PDE4D: variants seen among roughly 807,000 people sequenced by gnomAD.
PDE4D encodes the protein phosphodiesterase 4D.
PDE4D carries 24 observed loss-of-function variants against 87.4 expected under a neutral mutation model. The ratio of observed to expected loss-of-function variants is 0.27; its 90% CI spans 0.20 to 0.39. The LOEUF is 0.39. Ranked by LOEUF, PDE4D falls within the 10% of genes least tolerant of loss-of-function variation. PDE4D has a pLI of 1.00. For missense variants in PDE4D, 714 were observed against 1,041.0 expected, an observed-to-expected ratio of 0.69 and a Z score of 4.32; for synonymous variants, 384 against 383.2, an observed-to-expected ratio of 1.00 and a Z score of -0.02.
At chr5:58,989,179 GGAAA>G (rs10600245) in intron 10 of PDE4D, among the ~76,000 whole-genome samples, 123,513 of 151,524 alleles carry the variant, frequency 0.82, 50,500 homozygotes, top group Admixed American at 0.88. Context: ...GTGGCAGGAG[GGAAA>G]GAAAGGGGAA....
intron 1 of PDE4D, among the ~76,000 whole-genome samples, chr5:60,416,644 C>T (rs1742604082): frequency 6.6e-6 from 1 of 152,190 alleles, no homozygotes; most frequent in South Asian, 2.1e-4. Flanking sequence ...GGACACACTG[C>T]CTTTAAGAAC....
intron 3 of PDE4D, among the ~76,000 whole-genome samples, chr5:59,932,533 A>G (rs1252033584): frequency 6.6e-6 from 1 of 152,228 alleles, no homozygotes; most frequent in Non-Finnish European, 1.5e-5. Flanking sequence ...GAGTGGGGTT[A>G]AGTAACCTGC....
intron 5 of PDE4D, among the ~76,000 whole-genome samples, chr5:59,066,096 C>A (rs1763883683): frequency 6.6e-6 from 1 of 152,108 alleles, no homozygotes; most frequent in South Asian, 2.1e-4. Context: ...CCTATCAATT[C>A]ATTGATTCAT....
At chr5:60,328,799 T>G (rs1757037054) in intron 1 of PDE4D, among the ~76,000 whole-genome samples, 1 of 152,326 alleles carries the variant, frequency 6.6e-6, no homozygotes, top group East Asian at 1.9e-4. Flanking sequence ...CTAAGGGCAC[T>G]TGAATAACAG....
intron 1 of PDE4D, among the ~76,000 whole-genome samples, chr5:60,332,069 G>A (rs1757346561): frequency 6.6e-6 from 1 of 151,978 alleles, no homozygotes. Flanking sequence ...GTTAGTGTGT[G>A]GATTTAAATA....
At chr5:60,181,502 GAAC>G (rs1428596172) in intron 2 of PDE4D, among the ~76,000 whole-genome samples, 3 of 152,018 alleles carry the variant, frequency 2.0e-5, no homozygotes, top group African/African-American at 7.2e-5. Flanking sequence ...AATGAACACT[GAAC>G]AACAATTCTA....
chr5:60,064,441 T>C (rs1337875305), intron 2 of PDE4D, among the ~76,000 whole-genome samples: 1 of 152,096 alleles, frequency 6.6e-6, no homozygotes, highest in African/African-American at 2.4e-5. Context: ...CTACATCTCA[T>C]ACTCAGAGCT....
chr5:59,048,328 T>C (rs1347635370), intron 5 of PDE4D, among the ~76,000 whole-genome samples: 1 of 152,242 alleles, frequency 6.6e-6, no homozygotes, highest in Non-Finnish European at 1.5e-5. Flanking sequence ...AGAGCATCTG[T>C]GTTTCCATCA....
chr5:59,277,278 G>T (rs999945963), intron 1 of PDE4D, among the ~76,000 whole-genome samples: 11 of 152,088 alleles, frequency 7.2e-5, no homozygotes, highest in Non-Finnish European at 1.3e-4. Context: ...TGACTCTCAG[G>T]CCTCTTACGG....
chr5:59,451,246 T>C (rs913685634), intron 1 of PDE4D, among the ~76,000 whole-genome samples: 4 of 152,216 alleles, frequency 2.6e-5, no homozygotes, highest in Admixed American at 2.6e-4. Context: ...TTCTTAAGTC[T>C]CTGTTCATGT....
At chr5:59,441,007 A>C (rs1797537472) in intron 1 of PDE4D, among the ~76,000 whole-genome samples, 1 of 152,256 alleles carries the variant, frequency 6.6e-6, no homozygotes, top group South Asian at 2.1e-4. Flanking sequence ...TTGAAGATTT[A>C]AATATTGAAA....
Position 59,740,547 on chromosome 5 carries a change from C to T in PDE4D, c.455+152621G>A, listed in dbSNP as rs191517717. ...AGTTTGCTTTTCTTGTACCATCACT[C>T]AATTTTTTGAATTAAAGATTTTATA... On this transcript the variant is annotated intron_variant, in intron 1 of 14. Coordinates refer to ENST00000340635, the MANE Select transcript of PDE4D (RefSeq NM_001104631.2). Among the ~76,000 whole-genome samples, 80 of 152,224 alleles carry T rather than the reference C, an allele frequency of 5.3e-4. 3 individuals are homozygous for T. The South Asian group carries it at 0.013, about 25-fold the overall frequency.
At chr5:59,124,811 A>G (rs990296798) in intron 5 of PDE4D, among the ~76,000 whole-genome samples, 2 of 152,212 alleles carry the variant, frequency 1.3e-5, no homozygotes, top group Non-Finnish European at 2.9e-5. Context: ...AGGATGGAAG[A>G]AAAATGAGGC....
chr5:60,477,988 T>C (rs1382773326), intron 1 of PDE4D, among the ~76,000 whole-genome samples: 3 of 152,238 alleles, frequency 2.0e-5, no homozygotes, highest in Non-Finnish European at 1.5e-5. Flanking sequence ...ATTATCCTTT[T>C]AATCATTTAT....
intron 1 of PDE4D, among the ~76,000 whole-genome samples, chr5:59,658,956 C>G (rs1744807146): frequency 6.6e-6 from 1 of 152,064 alleles, no homozygotes; most frequent in Non-Finnish European, 1.5e-5. Context: ...TGAGCTATGA[C>G]TGCACCACTG....
chr5:59,611,468 C>T (rs561881465), intron 1 of PDE4D, among the ~76,000 whole-genome samples: 2 of 152,162 alleles, frequency 1.3e-5, no homozygotes, highest in East Asian at 1.9e-4. Context: ...TCCCCTAGCA[C>T]CCTTGTATTT....
intron 1 of PDE4D, among the ~76,000 whole-genome samples, chr5:60,297,496 G>A (rs1009338392): frequency 2.6e-5 from 4 of 152,158 alleles, no homozygotes; most frequent in African/African-American, 9.7e-5. Context: ...ATATCGAGAA[G>A]TATGTTATGG....
chr5:59,619,344 C>A (rs935471014), intron 1 of PDE4D, among the ~76,000 whole-genome samples: 1 of 151,984 alleles, frequency 6.6e-6, no homozygotes, highest in Non-Finnish European at 1.5e-5. Context: ...AAAATATAAG[C>A]CTAGGGTCTA....
At chr5:59,773,415 C>A (rs1763772389) in intron 1 of PDE4D, among the ~76,000 whole-genome samples, 2 of 152,084 alleles carry the variant, frequency 1.3e-5, no homozygotes, top group African/African-American at 4.8e-5. Flanking sequence ...CAGTAGACAC[C>A]TGGGTCCCCT....
Sources: allele counts gnomAD v4.1 joint callset (sites outside exome capture counted in the v4.1 genomes callset), GRCh38; gene constraint gnomAD v4.1.1; transcripts MANE v1.5; gene names NCBI Gene and HGNC (gene_info 2026-07-23, HGNC 2026-07-21).